The following MEGF10 variants were observed in gnomAD, a reference collection of about 807,000 sequenced individuals.
The protein encoded by MEGF10 is multiple EGF like domains 10, also known as multiple epidermal growth factor-like domains protein 10.
In MEGF10, 86 loss-of-function variants were observed where a neutral mutation model predicts 147.5. The observed-to-expected ratio is 0.58, with a 90% confidence interval of 0.49 to 0.70. MEGF10 has a LOEUF of 0.70. Ranked by LOEUF, MEGF10 falls within the 30% of genes least tolerant of loss-of-function variation. MEGF10 has a pLI of 0.00. For missense variants in MEGF10, 1,329 were observed against 1,487.3 expected, an observed-to-expected ratio of 0.89 and a Z score of 1.75; for synonymous variants, 478 against 525.5, an observed-to-expected ratio of 0.91 and a Z score of 1.24.
At chr5:127,321,991 A>G (rs151035477) in intron 1 of MEGF10, among the ~76,000 whole-genome samples, 383 of 150,816 alleles carry the variant, frequency 2.5e-3, no homozygotes, top group African/African-American at 8.9e-3. Context: ...TTATTCTGTT[A>G]TGATTGGATT....
chr5:127,457,022 T>G, intron 24 of MEGF10, 106 bp from the exon 25 acceptor site: 1 of 1,151,152 alleles, frequency 8.7e-7, no homozygotes, highest in Non-Finnish European at 1.2e-6. Context: ...TTTCCTTATA[T>G]TTTTTTAAAA....
intron 14 of MEGF10, among the ~76,000 whole-genome samples, chr5:127,434,105 T>G (rs1333823748): frequency 6.6e-6 from 1 of 152,232 alleles, no homozygotes; most frequent in Non-Finnish European, 1.5e-5. Context: ...TTAAATTGCC[T>G]TTCCCCCCAT....
intron 1 of MEGF10, among the ~76,000 whole-genome samples, chr5:127,326,767 T>G (rs1370764868): frequency 6.6e-6 from 1 of 152,160 alleles, no homozygotes; most frequent in Non-Finnish European, 1.5e-5. Context: ...TTAATTTAAC[T>G]TAGAGATATG....
chr5:127,277,624 T>C, the MEGF10 span, among the ~76,000 whole-genome samples: 33 of 152,158 alleles, frequency 2.2e-4, 1 homozygote, highest in Non-Finnish European at 1.3e-4. Flanking sequence ...ACTTTAGCTG[T>C]GGCACTGGGA....
chr5:127,284,069 T>C, the MEGF10 span, among the ~76,000 whole-genome samples: 1 of 152,178 alleles, frequency 6.6e-6, no homozygotes, highest in South Asian at 2.1e-4. Context: ...GCAAATACAA[T>C]TTCCTCATCC....
At chr5:127,295,157 T>C (rs1322871235) in intron 1 of MEGF10, among the ~76,000 whole-genome samples, 1 of 151,956 alleles carries the variant, frequency 6.6e-6, no homozygotes, top group Non-Finnish European at 1.5e-5. Context: ...AAAGGACACA[T>C]TCCTGAAAAT....
At chr5:127,312,001 T>G (rs184511940) in intron 1 of MEGF10, among the ~76,000 whole-genome samples, 1 of 152,150 alleles carries the variant, frequency 6.6e-6, no homozygotes, top group African/African-American at 2.4e-5. Flanking sequence ...AGGAAATGCT[T>G]TAAATCAGCA....
chr5:127,259,316 A>G, the MEGF10 span, among the ~76,000 whole-genome samples: 5 of 152,296 alleles, frequency 3.3e-5, no homozygotes, highest in Non-Finnish European at 5.9e-5. Context: ...TTATTTTTCC[A>G]TGATCTAACA....
Position 127,445,666 on chromosome 5 carries a change from G to T in MEGF10, c.2701G>T (p.Val901Phe), listed in dbSNP as rs375791814. The T allele has an allele frequency of 3.1e-6, 5 of 1,613,810 alleles. No individual in the cohort carries two copies. Among genetic ancestry groups the T allele is most frequent in the East Asian group, 2.2e-5 (1 of 44,888 alleles). The change falls in exon 20 of 25, where the codon GTC becomes TTC. Residue 901 changes from valine (V) to phenylalanine (F), a missense_variant. By Grantham distance (50) the Val-to-Phe change is conservative. This residue lies in a region of MEGF10 where 343 missense variants were observed against 377.9 expected (regional missense o/e 0.91). Coordinates refer to ENST00000503335, the MANE Select transcript of MEGF10 (RefSeq NM_001256545.2). Reference protein sequence around the residue: ...PAVTYTPAMRVVNADYTISGT... With the variant: ...PAVTYTPAMRFVNADYTISGT... ...AGTTACCTACACCCCTGCTATGAGG[G>T]TCGTCAATGCAGATTATACCATTTC...
intron 13 of MEGF10, among the ~76,000 whole-genome samples, chr5:127,428,591 G>A (rs1404322594): frequency 6.6e-6 from 1 of 152,168 alleles, no homozygotes; most frequent in Non-Finnish European, 1.5e-5. Context: ...AAATACTATA[G>A]TTCCTCCATC....
intron 4 of MEGF10, among the ~76,000 whole-genome samples, chr5:127,364,348 A>C (rs1762581125): frequency 6.6e-6 from 1 of 152,200 alleles, no homozygotes; most frequent in South Asian, 2.1e-4. Flanking sequence ...TGGACATTTC[A>C]AATAAATTGA....
intron 5 of MEGF10, among the ~76,000 whole-genome samples, chr5:127,391,983 G>A (rs747702254): frequency 5.3e-5 from 8 of 152,138 alleles, no homozygotes; most frequent in African/African-American, 1.4e-4. Context: ...GGGCAACATC[G>A]TGAGACCCCA....
intron 2 of MEGF10, 107 bp from the exon 3 acceptor site, chr5:127,339,013 T>C: frequency 3.7e-6 from 2 of 544,002 alleles, no homozygotes; most frequent in South Asian, 4.2e-5. Context: ...AAAGTCACTA[T>C]GGAGTTGCAA....
chr5:127,341,334 C>T (rs1448892936), intron 4 of MEGF10, among the ~76,000 whole-genome samples: 1 of 152,102 alleles, frequency 6.6e-6, no homozygotes, highest in Non-Finnish European at 1.5e-5. Context: ...TATTATGGCT[C>T]AACACACAGG....
intron 1 of MEGF10, among the ~76,000 whole-genome samples, chr5:127,321,948 T>A: frequency 6.6e-6 from 1 of 152,266 alleles, no homozygotes; most frequent in East Asian, 1.9e-4. Flanking sequence ...ATTTGACTTT[T>A]CTTTTCTCAA....
rs573144174 is a variant in MEGF10 at position 127,299,983 on chromosome 5, A to T, written c.-19+8927A>T. The T allele has an allele frequency of 5.0e-4, 76 of 152,246 alleles. No homozygotes were observed. Among genetic ancestry groups the T allele is most frequent in the African/African-American group, 1.8e-3 (73 of 41,556 alleles). 9.4% of individuals were successfully genotyped at this position (152,246 alleles called of 1,614,324 possible). A position where few individuals can be genotyped will look rare whatever the true frequency, so the allele number is the denominator to read the frequency against. ...TCCTAGTAATTATGTCTGTCATTGT[A>T]CCTTGATTATAGATTATCATTGCAA... On this transcript the variant is annotated intron_variant, in intron 1 of 24. Coordinates refer to ENST00000503335, the MANE Select transcript of MEGF10 (RefSeq NM_001256545.2).
chr5:127,282,188 A>C, the MEGF10 span, among the ~76,000 whole-genome samples: 1 of 152,190 alleles, frequency 6.6e-6, no homozygotes. Flanking sequence ...AACCTGTCAT[A>C]GGAGGGTAGA....
At chr5:127,389,044 G>C (rs772415837) in intron 5 of MEGF10, among the ~76,000 whole-genome samples, 1 of 152,110 alleles carries the variant, frequency 6.6e-6, no homozygotes, top group African/African-American at 2.4e-5. Context: ...ATACTTAACC[G>C]AAACATATCA....
At chr5:127,232,261 C>G in the MEGF10 span, among the ~76,000 whole-genome samples, 4 of 152,116 alleles carry the variant, frequency 2.6e-5, no homozygotes, top group African/African-American at 9.7e-5. Context: ...GTAATGGTTA[C>G]CATTCAGGTG....
Sources: allele counts gnomAD v4.1 joint callset (sites outside exome capture counted in the v4.1 genomes callset), GRCh38; gene constraint gnomAD v4.1.1; regional missense constraint gnomAD v4.1.1; transcripts MANE v1.5; gene names NCBI Gene and HGNC (gene_info 2026-07-23, HGNC 2026-07-21).